ERAP1: variants seen among roughly 807,000 people sequenced by gnomAD.
ERAP1 encodes endoplasmic reticulum aminopeptidase 1, also known as adipocyte-derived leucine aminopeptidase.
A neutral mutation model predicts 103.7 loss-of-function variants in ERAP1; 86 were observed. That is an observed-to-expected ratio of 0.83 (90% CI 0.70 to 0.99). ERAP1 has a LOEUF of 0.99. Ranked by LOEUF, ERAP1 falls within the 50% of genes least tolerant of loss-of-function variation. ERAP1 has a pLI of 0.00. For missense variants in ERAP1, 1,009 were observed against 1,128.4 expected (o/e 0.89, Z 1.52); for synonymous variants, 398 against 402.4 (o/e 0.99, Z 0.13).
At position 96,801,018 on chromosome 5, in the gene ERAP1, G is replaced by T. The variant is rs371635551; in HGVS notation, c.525-18C>A. The T allele has an allele frequency of 1.9e-6, 3 of 1,613,306 alleles. No individual in the cohort carries two copies. The highest frequency in any genetic ancestry group is 1.3e-5 in the African/African-American group (1 of 74,886). On this transcript the variant is annotated intron_variant, in intron 2 of 18. Coordinates refer to ENST00000443439, the MANE Select transcript of ERAP1 (RefSeq NM_001040458.3). ...CTAGTATCCTAAAATTAAGGCAAGT[G>T]AAATAAAAATTGAGCATGAAGCACC...
upstream of ERAP1, among the ~76,000 whole-genome samples, chr5:96,808,651 C>A (rs968488642): frequency 6.6e-6 from 1 of 152,142 alleles, no homozygotes; most frequent in South Asian, 2.1e-4. Flanking sequence ...AGCTGCTTCC[C>A]GCATCAACAC....
chr5:96,818,366 AG>A, the ERAP1 span, among the ~76,000 whole-genome samples: 5 of 151,852 alleles, frequency 3.3e-5, no homozygotes, highest in Non-Finnish European at 7.4e-5. Context: ...CCAAGGGCAA[AG>A]CCAGTCCAAG....
upstream of ERAP1, among the ~76,000 whole-genome samples, chr5:96,808,763 G>T (rs1386999061): frequency 6.6e-6 from 1 of 152,112 alleles, no homozygotes; most frequent in Non-Finnish European, 1.5e-5. Context: ...AACAGTTGAG[G>T]CTAAATGAGG....
At chr5:96,798,713 C>T (rs1450492603) in intron 3 of ERAP1, among the ~76,000 whole-genome samples, 5 of 151,746 alleles carry the variant, frequency 3.3e-5, no homozygotes, top group Non-Finnish European at 2.9e-5. Flanking sequence ...CTCACCTGGC[C>T]CTCATCCTTC....
chr5:96,803,723 A>C lies in ERAP1; in HGVS notation c.204T>G (p.His68Gln). The change falls in exon 2 of 19, where the codon CAT becomes CAG. Residue 68 changes from histidine to glutamine, a missense_variant. Around this residue, in one of 3 missense-constraint regions of ERAP1, gnomAD observed 392 missense variants for 455.2 expected, o/e 0.86. Transcript: ENST00000443439. ...VIPVHYDLLI[H>Q]ANLTTLTFWG... The stretch of plus-strand genomic sequence containing the variant: ...AGAAGGTCAGCGTGGTAAGGTTTGC[A>C]TGGATCAAGAGATCATAATGAACTG... 6.2e-7 allele frequency: 1 copy of C among 1,614,208 alleles called. No homozygotes were observed. Among genetic ancestry groups the C allele is most frequent in the Non-Finnish European group, 8.5e-7 (1 of 1,180,034 alleles).
At chr5:96,808,244 G>C (rs1778915154), upstream of ERAP1, 1 of 651,688 alleles carries the variant, frequency 1.5e-6, no homozygotes, top group Non-Finnish European at 1.8e-6. Flanking sequence ...GTGTGTGTGT[G>C]TGTGTGTGTG....
At chr5:96,826,770 T>C in the ERAP1 span, among the ~76,000 whole-genome samples, 3 of 152,256 alleles carry the variant, frequency 2.0e-5, no homozygotes, top group East Asian at 5.8e-4. Flanking sequence ...AACGTTATGG[T>C]TTTTCTTCTC....
At chr5:96,905,370 T>C in the ERAP1 span, among the ~76,000 whole-genome samples, 9 of 152,354 alleles carry the variant, frequency 5.9e-5, no homozygotes, top group East Asian at 1.5e-3. Flanking sequence ...ATTGAAATTA[T>C]GAGCCTTCTC....
At chr5:96,810,545 T>C (rs1361499470), upstream of ERAP1, among the ~76,000 whole-genome samples, 1 of 152,204 alleles carries the variant, frequency 6.6e-6, no homozygotes, top group Non-Finnish European at 1.5e-5. Context: ...TCTACTCACA[T>C]TGCATTGGCC....
At chr5:96,777,826 T>C (rs1774567885) in intron 18 of ERAP1, among the ~76,000 whole-genome samples, 1 of 152,212 alleles carries the variant, frequency 6.6e-6, no homozygotes, top group African/African-American at 2.4e-5. Context: ...CTTACCCTTG[T>C]CCTGACCCAA....
chr5:96,863,780 A>G, the ERAP1 span, among the ~76,000 whole-genome samples: 2 of 152,154 alleles, frequency 1.3e-5, no homozygotes, highest in African/African-American at 2.4e-5. Context: ...TTCAGGATCC[A>G]GTCACGTCTA....
At chr5:96,798,556 C>G (rs140297161) in intron 3 of ERAP1, among the ~76,000 whole-genome samples, 6 of 148,902 alleles carry the variant, frequency 4.0e-5, no homozygotes, top group African/African-American at 1.2e-4. Context: ...TAATCCAATA[C>G]TTACCTCTAT....
At chr5:96,853,335 A>T in the ERAP1 span, among the ~76,000 whole-genome samples, 1 of 152,206 alleles carries the variant, frequency 6.6e-6, no homozygotes, top group Non-Finnish European at 1.5e-5. Context: ...GAAGGAAAGA[A>T]CAGGATCTAG....
the ERAP1 span, among the ~76,000 whole-genome samples, chr5:96,893,763 CAA>C: frequency 2.0e-5 from 3 of 152,192 alleles, no homozygotes; most frequent in Non-Finnish European, 4.4e-5. Flanking sequence ...ATAACCCTGG[CAA>C]AGATTTCCTC....
chr5:96,808,187 C>CGTGTGTGTGTGTGTGTGTGTGTGTGT (rs748632954), upstream of ERAP1: 2 of 770,900 alleles, frequency 2.6e-6, no homozygotes, highest in Admixed American at 3.1e-4. Flanking sequence ...AACGCGGATC[C>CGTGTGTGTGTGTGTGTGTGTGTGTGT]GTGTGTGTGT....
the ERAP1 span, among the ~76,000 whole-genome samples, chr5:96,824,382 G>T: frequency 0.014 from 2,116 of 152,186 alleles, 41 homozygotes; most frequent in Admixed American, 0.059. Context: ...TCTTCTGCTG[G>T]CCCAGGAATC....
the ERAP1 span, among the ~76,000 whole-genome samples, chr5:96,879,313 G>A: frequency 2.6e-5 from 4 of 152,168 alleles, no homozygotes; most frequent in Non-Finnish European, 5.9e-5. Context: ...CCTTCTGCTC[G>A]CTGCACAAGA....
intron 1 of ERAP1, among the ~76,000 whole-genome samples, chr5:96,806,445 T>C (rs1778600020): frequency 1.3e-5 from 2 of 152,210 alleles, no homozygotes; most frequent in Admixed American, 1.3e-4. Flanking sequence ...TCCTCCAAAG[T>C]GCCAGGCACT....
chr5:96,847,647 C>G, the ERAP1 span, among the ~76,000 whole-genome samples: 1 of 152,010 alleles, frequency 6.6e-6, no homozygotes, highest in South Asian at 2.1e-4. Context: ...TGGTATGAAA[C>G]TAGAAATCCA....
Sources: gnomAD v4.1 joint callset for allele counts (sites outside exome capture counted in the v4.1 genomes callset) on GRCh38, gnomAD v4.1.1 for gene constraint, gnomAD v4.1.1 regional missense constraint, MANE v1.5 for transcripts, NCBI Gene and HGNC (gene_info 2026-07-23, HGNC 2026-07-21) for gene names.